PDXDC1: variants seen among roughly 807,000 people sequenced by gnomAD.
PDXDC1 encodes the protein pyridoxal-dependent decarboxylase domain-containing protein 1.
PDXDC1 carries 42 observed loss-of-function variants against 100.1 expected under a neutral mutation model. That is an observed-to-expected ratio of 0.42 (90% confidence interval 0.33 to 0.54). PDXDC1 has a LOEUF of 0.54. Among genes scored for constraint, PDXDC1 ranks in the 20% least tolerant of loss-of-function variants. PDXDC1 has a pLI of 0.10. For synonymous variants in PDXDC1, 260 were observed against 371.7 expected (o/e 0.70, Z 3.46); for missense variants, 636 against 979.2 (o/e 0.65, Z 4.68).
At chr16:15,133,574 G>T (rs986912075) in intron 16 of PDXDC1, 1 of 1,052,280 alleles carries the variant, frequency 9.5e-7, no homozygotes. Flanking sequence ...GAAACCCGGG[G>T]GCAGCACGGC....
rs545777177 is a variant in PDXDC1, at chr16:15,111,075, C to A, written c.1400-27804C>A. ...GCTGGGAGGCGGAGGTTGCAGTGAG[C>A]GGAGATCACACCACTGCACTCCAGC... On this transcript the variant is annotated intron_variant, in intron 16 of 16. Coordinates refer to the PDXDC1 transcript ENST00000535621. 6.1e-5 allele frequency among the ~76,000 whole-genome samples: 9 copies of A among 148,510 alleles called. No individual in the cohort carries two copies. In the South Asian group the frequency reaches 1.5e-3, roughly 25 times the overall value.
intron 9 of PDXDC1, chr16:15,016,450 C>T (rs182196138): frequency 2.8e-6 from 3 of 1,076,992 alleles, no homozygotes; most frequent in East Asian, 6.0e-5. Flanking sequence ...TGTGTTACTC[C>T]CACCTCTGCT....
Position 15,111,399 on chromosome 16 carries a change from T to A in PDXDC1, c.1400-27480T>A, listed in dbSNP as rs1439796186. Among the ~76,000 whole-genome samples, 7 of 142,744 alleles carry A rather than the reference T, an allele frequency of 4.9e-5. No homozygotes were observed. The East Asian group carries it at 1.2e-3, about 24-fold the overall frequency. 93.6% of individuals were successfully genotyped at this position (142,744 alleles called of 152,430 possible). On this transcript the variant is annotated intron_variant, in intron 16 of 16. Transcript: ENST00000535621. Reference sequence around the variant, plus strand: ...TGAACCCAGCAGGAAAAAGTTGTGTTGAGCTGAGATTGTGCCATTGCACTC... The same window carrying A: ...TGAACCCAGCAGGAAAAAGTTGTGTAGAGCTGAGATTGTGCCATTGCACTC...
intron 16 of PDXDC1, chr16:15,133,251 A>G: frequency 1.6e-5 from 25 of 1,518,954 alleles, no homozygotes; most frequent in South Asian, 4.5e-5. Flanking sequence ...GTCCCCTGCC[A>G]GGCTGCACTC....
At chr16:15,132,324 G>GGGGAT (rs1567311985) in intron 16 of PDXDC1, among the ~76,000 whole-genome samples, 1 of 32,606 alleles carries the variant, frequency 3.1e-5, no homozygotes, top group Admixed American at 2.8e-4. Context: ...GGCTAGCGGA[G>GGGGAT]GGGAGGGGAG....
At chr16:15,030,984 A>C (rs928529989) in intron 16 of PDXDC1, among the ~76,000 whole-genome samples, 1 of 145,252 alleles carries the variant, frequency 6.9e-6, no homozygotes, top group Non-Finnish European at 1.5e-5. Flanking sequence ...ACAGGGTCTC[A>C]TTTGTCACCC....
rs745545400 is a variant in PDXDC1 at position 15,048,378 on chromosome 16, T to TTTTG, written c.1399+18338_1399+18341dup. Among the ~76,000 whole-genome samples the TTTTG allele has an allele frequency of 5.3e-5, 8 of 152,236 alleles. No individual in the cohort carries two copies. In the Middle Eastern group the frequency reaches 0.01, roughly 196 times the overall value. ...GATGCAAAAATCCTTTATTATAGTT[T>TTTTG]TTTGTTTGTTTGTTTGTTTTTTAAA... On this transcript the variant is annotated intron_variant, in intron 16 of 16. Transcript: ENST00000535621.
intron 16 of PDXDC1, chr16:15,061,922 A>T: frequency 1.2e-6 from 2 of 1,600,432 alleles, no homozygotes; most frequent in Non-Finnish European, 1.7e-6. Flanking sequence ...AAACATCAGA[A>T]ATCATCAGTA....
intron 16 of PDXDC1, among the ~76,000 whole-genome samples, chr16:15,062,789 G>A (rs1597864028): frequency 6.6e-6 from 1 of 152,192 alleles, no homozygotes; most frequent in African/African-American, 2.4e-5. Flanking sequence ...ATCCAAAAAA[G>A]CCATAGACTC....
downstream of PDXDC1, chr16:15,038,632 C>A (rs745652703): frequency 6.2e-7 from 1 of 1,610,550 alleles, no homozygotes; most frequent in Non-Finnish European, 8.5e-7. Flanking sequence ...AAATGGTGTC[C>A]AGGAGTACGG....
At chr16:15,035,242 C>T (rs1176380147) in intron 21 of PDXDC1, among the ~76,000 whole-genome samples, 1 of 152,228 alleles carries the variant, frequency 6.6e-6, no homozygotes, top group Non-Finnish European at 1.5e-5. Context: ...TTACGCCATA[C>T]TGCTGGCGGA....
At chr16:15,048,739 T>G (rs1022121437) in intron 16 of PDXDC1, among the ~76,000 whole-genome samples, 1 of 152,124 alleles carries the variant, frequency 6.6e-6, no homozygotes, top group Non-Finnish European at 1.5e-5. Flanking sequence ...TCCTACCACC[T>G]TAGCCTCCCA....
Position 15,098,171 on chromosome 16 carries a change from A to G in PDXDC1, c.1400-40708A>G, listed in dbSNP as rs1261788175. Among the ~76,000 whole-genome samples, 4 of 149,858 alleles carry G rather than the reference A, an allele frequency of 2.7e-5. No individual in the cohort carries two copies. In the East Asian group the frequency reaches 5.9e-4, roughly 22 times the overall value. On this transcript the variant is annotated intron_variant, in intron 16 of 16. Coordinates refer to the PDXDC1 transcript ENST00000535621. ...AGGGGGCACCAAAAGCTTTTAGGAA[A>G]GGAGAAAGGAACAAATTGGATATCT...
chr16:15,022,447 AC>A (rs2042276637), intron 12 of PDXDC1, among the ~76,000 whole-genome samples: 1 of 152,302 alleles, frequency 6.6e-6, no homozygotes, highest in Non-Finnish European at 1.5e-5. Flanking sequence ...TGAATGACAG[AC>A]TTACATTGCA....
intron 16 of PDXDC1, among the ~76,000 whole-genome samples, chr16:15,082,571 G>A (rs1489902105): frequency 6.6e-6 from 1 of 152,016 alleles, no homozygotes; most frequent in South Asian, 2.1e-4. Context: ...TACTCGGGAG[G>A]CTGAGGTGGG....
chr16:15,148,370 A>ATTT, the PDXDC1 span, among the ~76,000 whole-genome samples: 465 of 34,128 alleles, frequency 0.014, 116 homozygotes, highest in East Asian at 0.081. Context: ...AGATCCTGTG[A>ATTT]TTTTTTTTTT....
intron 16 of PDXDC1, among the ~76,000 whole-genome samples, chr16:15,059,173 G>A (rs974005508): frequency 6.6e-6 from 1 of 152,162 alleles, no homozygotes; most frequent in African/African-American, 2.4e-5. Context: ...TTCAATCAAA[G>A]GTTGAGTTGG....
At chr16:15,049,964 C>G (rs1468437211) in intron 16 of PDXDC1, among the ~76,000 whole-genome samples, 2 of 152,156 alleles carry the variant, frequency 1.3e-5, no homozygotes, top group Non-Finnish European at 1.5e-5. Context: ...GAGAAAAATA[C>G]TGGAAGGAAA....
At position 15,076,579 on chromosome 16, in the gene PDXDC1, G is replaced by A. The variant is rs559157413; in HGVS notation, c.1399+46523G>A. 5.6e-6 allele frequency: 9 copies of A among 1,611,666 alleles called. No individual in the cohort carries two copies. In the Admixed American group the frequency reaches 1.3e-4, roughly 24 times the overall value. ...TAACCATATTAAACAATCCTTCCGTGGAATCTGTCCCACCACAAGTTTGAG... is the reference window on the plus strand; with the variant it reads ...TAACCATATTAAACAATCCTTCCGTAGAATCTGTCCCACCACAAGTTTGAG... On this transcript the variant is annotated intron_variant, in intron 16 of 16. Transcript: ENST00000535621.
Sources: allele counts gnomAD v4.1 joint callset (sites outside exome capture counted in the v4.1 genomes callset), GRCh38; gene constraint gnomAD v4.1.1; transcripts MANE v1.5; gene names NCBI Gene and HGNC (gene_info 2026-07-23, HGNC 2026-07-21).